Variants in IGF2R observed in about 807,000 individuals in gnomAD.
IGF2R encodes cation-independent mannose-6-phosphate receptor.
Under a neutral mutation model 270.6 loss-of-function variants are expected in IGF2R, and 91 were observed. That is an observed-to-expected ratio of 0.34 (90% CI 0.28 to 0.40). IGF2R has a LOEUF of 0.40. IGF2R is among the 10% of genes least tolerant of loss of function. The pLI is 1.00. For missense variants in IGF2R, 2,805 were observed against 3,188.3 expected (o/e 0.88, Z 2.90); for synonymous variants, 1,316 against 1,258.9 (o/e 1.05, Z -0.96).
chr6:160,044,493 T>C (rs1778024399), intron 12 of IGF2R, 21 bp from the exon 13 acceptor site: 1 of 1,575,848 alleles, frequency 6.3e-7, no homozygotes, highest in Admixed American at 1.7e-5. Context: ...ATCTTCTGTT[T>C]TCTCCCCCTT....
chr6:160,105,606 G>A lies in IGF2R; in HGVS notation c.*522G>A, dbSNP rs8191959. 0.037 allele frequency: 5,702 copies of A among 154,128 alleles called. 175 individuals are homozygous for A. Among genetic ancestry groups the A allele is most frequent in the East Asian group, 0.11 (573 of 5,180 alleles). 9.5% of individuals were successfully genotyped at this position (154,128 alleles called of 1,614,324 possible). A position where few individuals can be genotyped will look rare whatever the true frequency, so the allele number is the denominator to read the frequency against. Reference sequence around the variant, plus strand: ...GCTGTCAGTGTATGGGGCAGCTTCCGGCGGGATGTTGAACTGGTCATTAAT... The same window carrying A: ...GCTGTCAGTGTATGGGGCAGCTTCCAGCGGGATGTTGAACTGGTCATTAAT... On this transcript the variant is annotated 3_prime_UTR_variant, in exon 48 of 48. Transcript: ENST00000356956.
rs909638613 is a variant in IGF2R, at chr6:160,064,784, G to T, written c.4018-20G>T. On this transcript the variant is annotated intron_variant, in intron 28 of 47. Transcript: ENST00000356956. ...GTTTTGCATTCTCACTTTTATATAT[G>T]TGCCTCTTAACTTTTTTAGCCAGTA... 3.3e-6 allele frequency: 5 copies of T among 1,521,026 alleles called. No individual in the cohort carries two copies. The African/African-American group carries it at 6.8e-5, about 21-fold the overall frequency. 94.2% of individuals were successfully genotyped at this position (1,521,026 alleles called of 1,614,324 possible). A position where few individuals can be genotyped will look rare whatever the true frequency, so the allele number is the denominator to read the frequency against.
chr6:160,027,791 T>A (rs554455802), intron 6 of IGF2R, among the ~76,000 whole-genome samples: 3 of 152,352 alleles, frequency 2.0e-5, no homozygotes, highest in South Asian at 4.1e-4. Flanking sequence ...TATGCTCTTG[T>A]ACTGCCTTTG....
At chr6:160,026,523 G>A (rs893584385) in intron 5 of IGF2R, among the ~76,000 whole-genome samples, 15 of 152,226 alleles carry the variant, frequency 9.9e-5, no homozygotes, top group Admixed American at 1.3e-4. Context: ...TTAGATAGGA[G>A]AAAAGATAGA....
chr6:159,983,771 G>A (rs1326742229), intron 1 of IGF2R, among the ~76,000 whole-genome samples: 2 of 152,194 alleles, frequency 1.3e-5, no homozygotes, highest in Non-Finnish European at 2.9e-5. Flanking sequence ...CTGAGTTGAG[G>A]AAGACAATAT....
Position 160,058,945 on chromosome 6 carries a change from C to G in IGF2R, c.2938C>G (p.Leu980Val), listed in dbSNP as rs533866817. 8 of 1,614,220 alleles carry G rather than the reference C, an allele frequency of 5.0e-6. No individual in the cohort carries two copies. The East Asian group carries it at 1.8e-4, about 36-fold the overall frequency. ...CACAATGCCTGTCTGTGGGACCATC[C>G]TGGGAAAACCTGCTTCTGGCTGTGA... Reference protein sequence around the residue: ...CGTMPVCGTILGKPASGCEAE... With the variant: ...CGTMPVCGTIVGKPASGCEAE... The change falls in exon 22 of 48, where the codon CTG (leucine) becomes GTG (valine). Residue 980 changes from leucine to valine, a missense_variant. Physicochemically the swap from Leu to Val is conservative, Grantham distance 32. Around this residue, in one of 2 missense-constraint regions of IGF2R, gnomAD observed 1,851 missense variants for 2,207.2 expected, o/e 0.84. Transcript: ENST00000356956.
chr6:160,103,726 T>A lies in IGF2R; in HGVS notation c.6996-20T>A. The A allele has an allele frequency of 1.3e-6, 2 of 1,588,960 alleles. No homozygotes were observed. Among genetic ancestry groups the A allele is most frequent in the African/African-American group, 2.7e-5 (2 of 74,538 alleles). Reference sequence around the variant, plus strand: ...GCCCTCTCTACACTGGAGTAATTATTGTCTCCTTTTTTTTTATAGGGAAAC... The same window carrying A: ...GCCCTCTCTACACTGGAGTAATTATAGTCTCCTTTTTTTTTATAGGGAAAC... On this transcript the variant is annotated intron_variant, in intron 46 of 47. Transcript: ENST00000356956.
intron 1 of IGF2R, among the ~76,000 whole-genome samples, chr6:159,973,538 AT>A (rs142645656): frequency 2.0e-5 from 3 of 151,638 alleles, no homozygotes; most frequent in Admixed American, 6.6e-5. Flanking sequence ...CTCTAAGGAG[AT>A]TTTTTTTTCC....
intron 10 of IGF2R, among the ~76,000 whole-genome samples, chr6:160,039,756 C>T (rs1777905195): frequency 6.6e-6 from 1 of 152,082 alleles, no homozygotes; most frequent in Non-Finnish European, 1.5e-5. Flanking sequence ...TGGAAAGGTG[C>T]AGGGATAGGA....
intron 4 of IGF2R, among the ~76,000 whole-genome samples, chr6:160,012,773 T>C (rs868709183): frequency 1.6e-5 from 2 of 125,678 alleles, no homozygotes; most frequent in Admixed American, 8.5e-5. Context: ...ATTTTTTTTT[T>C]TTTTTGTTTG....
At position 160,075,838 on chromosome 6, in the gene IGF2R, T is replaced by A. The variant is rs1215111251; in HGVS notation, c.5167-9T>A. On this transcript the variant is annotated splice_polypyrimidine_tract_variant and intron_variant, in intron 35 of 47. Coordinates refer to ENST00000356956, the MANE Select transcript of IGF2R (RefSeq NM_000876.4). The stretch of plus-strand genomic sequence containing the variant: ...CCTGAAATACTGTTTGCCCTCGCTC[T>A]TTGTTTAGGATATCGGCCGGGTAGC... The A allele has an allele frequency of 6.2e-7, 1 of 1,612,004 alleles. No individual in the cohort carries two copies. The highest frequency in any genetic ancestry group is 1.3e-5 in the African/African-American group (1 of 74,930).
At chr6:160,094,179 G>A (rs1240903200) in intron 44 of IGF2R, 16 of 379,846 alleles carry the variant, frequency 4.2e-5, no homozygotes, top group Admixed American at 1.8e-4. Context: ...TAAACAGGGC[G>A]TTACAGAATG....
chr6:160,070,804 G>C (rs1448685420), intron 31 of IGF2R, among the ~76,000 whole-genome samples: 1 of 152,142 alleles, frequency 6.6e-6, no homozygotes, highest in African/African-American at 2.4e-5. Flanking sequence ...GGGCAGCAGT[G>C]GTAGGGGAGC....
chr6:160,084,897 C>A lies in IGF2R; in HGVS notation c.6069-98C>A. On this transcript the variant is annotated intron_variant, in intron 40 of 47. Coordinates refer to ENST00000356956, the MANE Select transcript of IGF2R (RefSeq NM_000876.4). This position sits in a 1 kb window ranked among gnomAD's most constrained non-coding sequence, Gnocchi z 4.6. ...GTGATGGAATGGAGCCCTTAGTTAT[C>A]AGAACCTTTCTCTGAAAGTAAAGTG... 1 of 1,182,896 alleles carries A rather than the reference C, an allele frequency of 8.5e-7. No individual in the cohort carries two copies. Among genetic ancestry groups the A allele is most frequent in the Non-Finnish European group, 1.2e-6 (1 of 836,704 alleles). The allele number at this position is 1,182,896 out of a possible 1,614,324, so 73.3% of individuals were successfully genotyped here. A position where few individuals can be genotyped will look rare whatever the true frequency, so the allele number is the denominator to read the frequency against.
chr6:160,067,833 C>T (rs1198610477), intron 29 of IGF2R, among the ~76,000 whole-genome samples: 1 of 152,242 alleles, frequency 6.6e-6, no homozygotes, highest in Non-Finnish European at 1.5e-5. Flanking sequence ...TTTTAAACAA[C>T]AGGTGGCGTG....
intron 2 of IGF2R, among the ~76,000 whole-genome samples, chr6:160,000,742 T>TTTTTGTTTTTTG (rs1784116241): frequency 6.9e-6 from 1 of 143,892 alleles, no homozygotes; most frequent in African/African-American, 2.6e-5. Context: ...TTTTTTTTTT[T>TTTTTGTTTTTTG]TTTTTTTTTT....
At chr6:160,052,104 A>G (rs1371320340) in intron 19 of IGF2R, among the ~76,000 whole-genome samples, 1 of 152,180 alleles carries the variant, frequency 6.6e-6, no homozygotes, top group East Asian at 1.9e-4. Flanking sequence ...TGGGAGGCTG[A>G]GGTGGGAGGA....
chr6:160,058,441 A>G (rs113094019), intron 21 of IGF2R, among the ~76,000 whole-genome samples: 132 of 152,360 alleles, frequency 8.7e-4, no homozygotes, highest in African/African-American at 2.9e-3. Context: ...TCTTCACACC[A>G]GAGAGCATAA....
chr6:160,083,365 A>G (rs1779027321), intron 39 of IGF2R, among the ~76,000 whole-genome samples: 1 of 152,212 alleles, frequency 6.6e-6, no homozygotes, highest in Non-Finnish European at 1.5e-5. Flanking sequence ...AGAGTTGAAC[A>G]AATGTACAAT....
Sources: allele counts gnomAD v4.1 joint callset (sites outside exome capture counted in the v4.1 genomes callset), GRCh38; gene constraint gnomAD v4.1.1; regional missense constraint gnomAD v4.1.1; non-coding constraint Gnocchi (gnomAD v3.1); transcripts MANE v1.5; gene names NCBI Gene and HGNC (gene_info 2026-07-23, HGNC 2026-07-21).